The following ZRANB3 variants were observed in gnomAD, a reference collection of about 807,000 sequenced individuals.
The protein encoded by ZRANB3 is DNA annealing helicase and endonuclease ZRANB3.
A neutral mutation model predicts 133.8 loss-of-function variants in ZRANB3; 125 were observed. The ratio of observed to expected loss-of-function variants is 0.93; its 90% CI spans 0.81 to 1.08. The LOEUF is 1.08. Ranked by LOEUF, ZRANB3 falls within the 50% of genes least tolerant of loss-of-function variation. ZRANB3 has a pLI of 0.00. For missense variants in ZRANB3, 1,229 were observed against 1,275.5 expected, an observed-to-expected ratio of 0.96 and a Z score of 0.56; for synonymous variants, 387 against 432.7, an observed-to-expected ratio of 0.89 and a Z score of 1.31.
chr2:135,255,414 C>A (rs1178152812), intron 12 of ZRANB3, among the ~76,000 whole-genome samples: 1 of 152,156 alleles, frequency 6.6e-6, no homozygotes, highest in Admixed American at 6.5e-5. Context: ...ATCTGCTTTT[C>A]CTTCCTTGTT....
intron 8 of ZRANB3, among the ~76,000 whole-genome samples, chr2:135,306,277 C>G (rs902819388): frequency 3.4e-5 from 5 of 149,086 alleles, no homozygotes; most frequent in African/African-American, 9.9e-5. Context: ...CTTTTTTCAT[C>G]TGACTGATTT....
intron 2 of ZRANB3, among the ~76,000 whole-genome samples, chr2:135,419,469 T>C (rs905734914): frequency 2.6e-5 from 4 of 152,082 alleles, no homozygotes; most frequent in African/African-American, 4.8e-5. Context: ...GAGAAAATCA[T>C]GTTTATTTGG....
chr2:135,427,483 T>C (rs1689143803), intron 2 of ZRANB3, among the ~76,000 whole-genome samples: 2 of 151,922 alleles, frequency 1.3e-5, no homozygotes, highest in Non-Finnish European at 2.9e-5. Flanking sequence ...AAGAATAAAA[T>C]ACCTAGGAAT....
chr2:135,455,648 G>C (rs941165141), intron 2 of ZRANB3, among the ~76,000 whole-genome samples: 7 of 141,416 alleles, frequency 4.9e-5, no homozygotes, highest in Admixed American at 3.0e-4. Flanking sequence ...CCGGAGTGCA[G>C]TGGCGCGATC....
chr2:135,419,615 G>T (rs1475560956), intron 2 of ZRANB3, among the ~76,000 whole-genome samples: 1 of 151,758 alleles, frequency 6.6e-6, no homozygotes, highest in Non-Finnish European at 1.5e-5. Context: ...AAATTGTTTT[G>T]AGATAACTAT....
At chr2:135,271,247 G>T (rs1680503027) in intron 10 of ZRANB3, 1 of 467,606 alleles carries the variant, frequency 2.1e-6, no homozygotes, top group South Asian at 1.6e-5. Flanking sequence ...CTACATAAGA[G>T]AATTAAACTT....
At chr2:135,320,091 C>A (rs1403347186) in intron 6 of ZRANB3, among the ~76,000 whole-genome samples, 2 of 152,008 alleles carry the variant, frequency 1.3e-5, no homozygotes, top group Non-Finnish European at 1.5e-5. Flanking sequence ...ATACAGTGGC[C>A]ATTCACAGGC....
chr2:135,432,622 G>GTTA (rs1012417695), intron 2 of ZRANB3, among the ~76,000 whole-genome samples: 7 of 152,170 alleles, frequency 4.6e-5, no homozygotes, highest in African/African-American at 1.7e-4. Context: ...ATTCATAGAT[G>GTTA]GTAATACTGG....
intron 13 of ZRANB3, among the ~76,000 whole-genome samples, chr2:135,229,647 G>A (rs1006815640): frequency 3.9e-5 from 6 of 152,204 alleles, no homozygotes; most frequent in South Asian, 2.1e-4. Flanking sequence ...GATTACAGGC[G>A]TGAGCCACCG....
Position 135,200,065 on chromosome 2 carries a change from T to C in ZRANB3, c.*277A>G. ...ATGCACAATACAGTGATTAGGCATA[T>C]TAGGGGTAAAGAGCTTTACAAAACA... is the stretch of plus-strand genomic sequence containing the variant. On this transcript the variant is annotated 3_prime_UTR_variant, in exon 21 of 21. Coordinates refer to ENST00000264159, the MANE Select transcript of ZRANB3 (RefSeq NM_032143.4). The C allele has an allele frequency of 2.1e-6, 1 of 474,780 alleles. No individual in the cohort carries two copies. The highest frequency in any genetic ancestry group is 3.9e-6 in the Non-Finnish European group (1 of 258,622). The allele number at this position is 474,780 out of a possible 1,614,324, so 29.4% of individuals were successfully genotyped here. A position where few individuals can be genotyped will look rare whatever the true frequency, so the allele number is the denominator to read the frequency against.
At position 135,470,323 on chromosome 2, in the gene ZRANB3, C is replaced by CA. The variant is rs200574969; in HGVS notation, c.161+34005dup. Among the ~76,000 whole-genome samples the CA allele has an allele frequency of 4.4e-3, 552 of 126,618 alleles. 2 individuals are homozygous for CA. The highest frequency in any genetic ancestry group is 0.012 in the African/African-American group (423 of 34,114). 83.1% of individuals were successfully genotyped at this position (126,618 alleles called of 152,430 possible). ...TGGGTGACAGAGTGAGACTCTGTCT[C>CA]AAAAAAAAAAAAATTCTAAAATACT... On this transcript the variant is annotated intron_variant, in intron 2 of 20. Transcript: ENST00000264159.
chr2:135,391,783 G>A (rs1400676277), intron 2 of ZRANB3, among the ~76,000 whole-genome samples: 1 of 151,992 alleles, frequency 6.6e-6, no homozygotes. Context: ...GTTTCACCGT[G>A]TTAGCTAGGA....
intron 12 of ZRANB3, among the ~76,000 whole-genome samples, chr2:135,232,946 T>C (rs1695102912): frequency 6.6e-6 from 1 of 152,168 alleles, no homozygotes; most frequent in South Asian, 2.1e-4. Flanking sequence ...GGATGGAGAA[T>C]GACTTTGACA....
At chr2:135,285,249 C>T (rs1248025743) in intron 8 of ZRANB3, among the ~76,000 whole-genome samples, 1 of 152,206 alleles carries the variant, frequency 6.6e-6, no homozygotes, top group Admixed American at 6.5e-5. Context: ...TGGATTATTT[C>T]CTTATCTTTA....
chr2:135,343,439 C>T (rs1010380770), intron 6 of ZRANB3, among the ~76,000 whole-genome samples: 2 of 149,594 alleles, frequency 1.3e-5, no homozygotes, highest in African/African-American at 2.6e-5. Context: ...TTTGTAGTCT[C>T]GTTTTCATTT....
intron 6 of ZRANB3, among the ~76,000 whole-genome samples, chr2:135,344,542 C>G (rs985297590): frequency 6.6e-6 from 1 of 152,116 alleles, no homozygotes. Context: ...TTGAGACCAG[C>G]CTGGCCAACA....
chr2:135,264,013 C>A (rs1680098523), intron 12 of ZRANB3, among the ~76,000 whole-genome samples: 1 of 149,984 alleles, frequency 6.7e-6, no homozygotes. Context: ...ATCTCGAACT[C>A]CTGACCTCAA....
chr2:135,422,600 A>G (rs1688911241), intron 2 of ZRANB3, among the ~76,000 whole-genome samples: 1 of 152,178 alleles, frequency 6.6e-6, no homozygotes. Context: ...CCTTAACAGA[A>G]AAGAATGGGG....
At chr2:135,403,363 A>T (rs1306614366) in intron 2 of ZRANB3, among the ~76,000 whole-genome samples, 1 of 152,226 alleles carries the variant, frequency 6.6e-6, no homozygotes, top group Non-Finnish European at 1.5e-5. Flanking sequence ...TTGCTAGCAC[A>T]GCAGTCTGAG....
Sources: allele counts gnomAD v4.1 joint callset (sites outside exome capture counted in the v4.1 genomes callset), GRCh38; gene constraint gnomAD v4.1.1; transcripts MANE v1.5; gene names NCBI Gene and HGNC (gene_info 2026-07-23, HGNC 2026-07-21).